Variants in PDZK1 observed in about 807,000 individuals in gnomAD.
PDZK1 encodes the protein PDZ domain containing 1.
PDZK1 carries 23 observed loss-of-function variants against 38.1 expected under a neutral mutation model. That is an observed-to-expected ratio of 0.60 (90% CI 0.43 to 0.85). The LOEUF is 0.85. Ranked by LOEUF, PDZK1 falls within the 40% of genes least tolerant of loss-of-function variation. The pLI is 0.00. For synonymous variants in PDZK1, 98 were observed against 186.2 expected, an observed-to-expected ratio of 0.53 and a Z score of 3.86; for missense variants, 297 against 504.3, an observed-to-expected ratio of 0.59 and a Z score of 3.94.
rs587628710 is a variant in PDZK1 at position 145,692,022 on chromosome 1, T to G, written c.-2-3999A>C. Among the ~76,000 whole-genome samples the G allele has an allele frequency of 3.3e-5, 5 of 152,238 alleles. No individual in the cohort carries two copies. The East Asian group carries it at 9.6e-4, about 29-fold the overall frequency. Reference sequence around the variant, plus strand: ...AAAAGCTAATTATACCATTAAATTTTGCTTTTTTCCAAAATGATTAGATTA... The same window carrying G: ...AAAAGCTAATTATACCATTAAATTTGGCTTTTTTCCAAAATGATTAGATTA... On this transcript the variant is annotated intron_variant, in intron 1 of 8. Transcript: ENST00000417171.
intron 1 of PDZK1, among the ~76,000 whole-genome samples, chr1:145,699,411 C>T (rs587611500): frequency 2.6e-4 from 39 of 152,184 alleles, no homozygotes; most frequent in African/African-American, 8.7e-4. Flanking sequence ...AGCAAGACTC[C>T]ATCTCAAACT....
At chr1:145,701,183 C>T (rs1553704922) in intron 1 of PDZK1, among the ~76,000 whole-genome samples, 2 of 151,096 alleles carry the variant, frequency 1.3e-5, no homozygotes, top group Non-Finnish European at 2.9e-5. Flanking sequence ...CCAACCTGGG[C>T]AACAGAGCGA....
intron 1 of PDZK1, among the ~76,000 whole-genome samples, chr1:145,707,060 G>C (rs988791437): frequency 8.6e-5 from 13 of 151,884 alleles, no homozygotes; most frequent in Non-Finnish European, 1.8e-4. Flanking sequence ...TTCTGAGGTC[G>C]GTTTACCAAT....
intron 2 of PDZK1, 37 bp from the exon 3 acceptor site, chr1:145,686,763 C>T: frequency 9.1e-7 from 1 of 1,100,064 alleles, no homozygotes; most frequent in South Asian, 1.6e-5. Flanking sequence ...TTTAATAACC[C>T]TCTGCCAACT....
intron 1 of PDZK1, among the ~76,000 whole-genome samples, chr1:145,702,659 C>T (rs1452269204): frequency 1.3e-5 from 2 of 152,120 alleles, no homozygotes; most frequent in Non-Finnish European, 2.9e-5. Flanking sequence ...TTTGGGAGGC[C>T]AAGGCAGGCG....
At chr1:145,700,813 A>C (rs587609440) in intron 1 of PDZK1, among the ~76,000 whole-genome samples, 1 of 152,298 alleles carries the variant, frequency 6.6e-6, no homozygotes, top group South Asian at 2.1e-4. Context: ...ACTAGGAATC[A>C]ATTATGCCGT....
intron 8 of PDZK1, 69 bp downstream of exon 8, chr1:145,672,661 A>G (rs1653196025): frequency 6.3e-7 from 1 of 1,577,386 alleles, no homozygotes; most frequent in Non-Finnish European, 8.6e-7. Context: ...TAGACATTAA[A>G]TATACTCATA....
At chr1:145,682,751 T>C in intron 3 of PDZK1, 115 bp from the exon 4 acceptor site, 4 of 1,308,824 alleles carry the variant, frequency 3.1e-6, no homozygotes, top group Non-Finnish European at 4.3e-6. Context: ...TCCCGATTTC[T>C]ACTTCATTTA....
chr1:145,691,355 G>A (rs1439631553), intron 1 of PDZK1, among the ~76,000 whole-genome samples: 2 of 152,112 alleles, frequency 1.3e-5, no homozygotes, highest in African/African-American at 4.8e-5. Flanking sequence ...GTGTTACTCT[G>A]TCCCCTAATT....
intron 3 of PDZK1, among the ~76,000 whole-genome samples, chr1:145,685,411 G>T (rs1363748569): frequency 3.3e-5 from 5 of 152,180 alleles, no homozygotes; most frequent in Admixed American, 6.5e-5. Flanking sequence ...TTCACCATGT[G>T]CATTAGCACA....
intron 4 of PDZK1, among the ~76,000 whole-genome samples, chr1:145,681,461 T>A (rs1366561577): frequency 5.3e-5 from 8 of 150,010 alleles, no homozygotes; most frequent in South Asian, 2.1e-4. Context: ...TTTTTTTTTT[T>A]TTATTTTTAG....
intron 1 of PDZK1, among the ~76,000 whole-genome samples, chr1:145,703,243 G>C (rs183401906): frequency 7.2e-5 from 11 of 152,152 alleles, no homozygotes; most frequent in Non-Finnish European, 1.5e-4. Context: ...TGCGAGGCAG[G>C]TATCAGGGCT....
intron 8 of PDZK1, among the ~76,000 whole-genome samples, chr1:145,672,278 C>G (rs2101861658): frequency 6.6e-6 from 1 of 151,874 alleles, no homozygotes; most frequent in South Asian, 2.1e-4. Flanking sequence ...GAGCCAGCCA[C>G]TATTCAAAGC....
At chr1:145,696,309 C>A (rs1410857578) in intron 1 of PDZK1, among the ~76,000 whole-genome samples, 4 of 152,196 alleles carry the variant, frequency 2.6e-5, no homozygotes, top group African/African-American at 9.7e-5. Flanking sequence ...TTTCTACTAA[C>A]CAGCCTGGAT....
intron 1 of PDZK1, among the ~76,000 whole-genome samples, chr1:145,690,569 A>C (rs782487294): frequency 6.6e-6 from 1 of 152,200 alleles, no homozygotes; most frequent in Non-Finnish European, 1.5e-5. Context: ...TTATAATCAG[A>C]ATAAGGCCAA....
chr1:145,694,574 T>C (rs1295175690), intron 1 of PDZK1, among the ~76,000 whole-genome samples: 1 of 152,146 alleles, frequency 6.6e-6, no homozygotes, highest in African/African-American at 2.4e-5. Context: ...AGAGCCTTTA[T>C]AGTTGAATAA....
intron 1 of PDZK1, among the ~76,000 whole-genome samples, chr1:145,702,447 C>T (rs966935464): frequency 3.9e-5 from 6 of 152,114 alleles, no homozygotes; most frequent in African/African-American, 7.2e-5. Context: ...TTCCCCAAAT[C>T]GACATTTTGT....
chr1:145,692,121 C>G (rs1553703364), intron 1 of PDZK1, among the ~76,000 whole-genome samples: 2 of 152,074 alleles, frequency 1.3e-5, no homozygotes, highest in Non-Finnish European at 2.9e-5. Context: ...GTTAGGAAGG[C>G]TTGGTAATGA....
chr1:145,692,988 C>T (rs1655347586), intron 1 of PDZK1, among the ~76,000 whole-genome samples: 3 of 151,850 alleles, frequency 2.0e-5, no homozygotes, highest in Non-Finnish European at 2.9e-5. Context: ...TCCAGCCTGG[C>T]GACAGAGCAA....
Sources: gnomAD v4.1 joint callset for allele counts (sites outside exome capture counted in the v4.1 genomes callset) on GRCh38, gnomAD v4.1.1 for gene constraint, MANE v1.5 for transcripts, NCBI Gene and HGNC (gene_info 2026-07-23, HGNC 2026-07-21) for gene names.